Variants in LSP1 observed in about 807,000 individuals in gnomAD.
LSP1 encodes lymphocyte specific protein 1, also known as lymphocyte-specific protein 1.
In LSP1, 32 loss-of-function variants were observed where a neutral mutation model predicts 49.3. That is an observed-to-expected ratio of 0.65 (90% confidence interval 0.49 to 0.87). LSP1 has a LOEUF of 0.87. LSP1 is among the 40% of genes least tolerant of loss of function. The pLI is 0.00. For missense variants in LSP1, 428 were observed against 442.6 expected, an observed-to-expected ratio of 0.97 and a Z score of 0.30; for synonymous variants, 179 against 178.8, an observed-to-expected ratio of 1.00 and a Z score of -0.01.
chr11:1,879,260 G>A (rs1218831048), intron 1 of LSP1, among the ~76,000 whole-genome samples: 1 of 152,158 alleles, frequency 6.6e-6, no homozygotes, highest in Non-Finnish European at 1.5e-5. Context: ...CAGGAGAATC[G>A]CTTGAACCCA....
intron 1 of LSP1, among the ~76,000 whole-genome samples, chr11:1,856,326 G>T (rs1196483778): frequency 1.3e-5 from 2 of 152,216 alleles, no homozygotes; most frequent in African/African-American, 4.8e-5. Flanking sequence ...TGGCCTGGTT[G>T]AACTCACTTC....
chr11:1,865,069 C>A, intron 1 of LSP1: 1 of 340,624 alleles, frequency 2.9e-6, no homozygotes, highest in Non-Finnish European at 4.2e-6. Flanking sequence ...CCAAGGAGAG[C>A]TGGGCACAGG....
At chr11:1,869,565 G>A (rs1847906351) in intron 1 of LSP1, 1 of 458,208 alleles carries the variant, frequency 2.2e-6, no homozygotes. Flanking sequence ...GCCGACCCCA[G>A]GTGTGGGAGG....
rs553111951 is a variant in LSP1, at chr11:1,871,476, C to T, written c.54-8611C>T. 1.2e-5 allele frequency: 12 copies of T among 986,542 alleles called. No individual in the cohort carries two copies. The East Asian group carries it at 6.7e-4, about 55-fold the overall frequency. The allele number at this position is 986,542 out of a possible 1,614,324, so 61.1% of individuals were successfully genotyped here. A position where few individuals can be genotyped will look rare whatever the true frequency, so the allele number is the denominator to read the frequency against. Reference sequence around the variant, plus strand: ...GCAGGACATCAAGCCGGTTCTGGACCCTGCTCTGAGGACGGTCCCTGACCC... The same window carrying T: ...GCAGGACATCAAGCCGGTTCTGGACTCTGCTCTGAGGACGGTCCCTGACCC... On this transcript the variant is annotated intron_variant, in intron 1 of 10. Transcript: ENST00000311604.
At chr11:1,862,485 T>A (rs1847667677) in intron 1 of LSP1, among the ~76,000 whole-genome samples, 1 of 152,190 alleles carries the variant, frequency 6.6e-6, no homozygotes, top group African/African-American at 2.4e-5. Context: ...CATTCCTGGC[T>A]GTCTGTGGCT....
At chr11:1,890,652 G>C (rs2133146472) in intron 10 of LSP1, 1 of 660,190 alleles carries the variant, frequency 1.5e-6, no homozygotes, top group South Asian at 1.6e-5. Flanking sequence ...TGGGAGGCCT[G>C]TGTCTCCTGT....
chr11:1,889,933 T>TG, intron 10 of LSP1: 2 of 630,222 alleles, frequency 3.2e-6, no homozygotes, highest in Non-Finnish European at 2.9e-6. Flanking sequence ...GGCTGGGCCC[T>TG]GGGGGGACTT....
chr11:1,881,979 G>A (rs1196487268), intron 3 of LSP1, among the ~76,000 whole-genome samples: 4 of 152,204 alleles, frequency 2.6e-5, no homozygotes, highest in Non-Finnish European at 4.4e-5. Context: ...AGCTGCGGCC[G>A]CTTCCGTAAT....
chr11:1,875,108 G>A (rs180792422), intron 1 of LSP1, among the ~76,000 whole-genome samples: 5 of 151,450 alleles, frequency 3.3e-5, no homozygotes, highest in East Asian at 1.9e-4. Context: ...AAGCCCATGG[G>A]GGGCAGAGCC....
rs201258993 is a variant in LSP1 at position 1,883,916 on chromosome 11, GT to G, written c.499-5del. 178,388 of 1,300,742 alleles carry G rather than the reference GT, an allele frequency of 0.14. 7,372 individuals are homozygous for G. Among genetic ancestry groups the G allele is most frequent in the South Asian group, 0.29 (21,523 of 74,718 alleles). The allele number at this position is 1,300,742 out of a possible 1,614,324, so 80.6% of individuals were successfully genotyped here. On this transcript the variant is annotated splice_polypyrimidine_tract_variant and intron_variant, in intron 4 of 10. Coordinates refer to ENST00000311604, the MANE Select transcript of LSP1 (RefSeq NM_002339.3). ...AAGCAGGGGGTCACTTGGGATGTCT[GT>G]TTTTTTTTTTCTAGCACCAGAAATG...
rs1227502672 is a variant in LSP1, at chr11:1,883,511, C to A, written c.449C>A (p.Thr150Asn). 3 of 1,613,806 alleles carry A rather than the reference C, an allele frequency of 1.9e-6. No individual in the cohort carries two copies. Among genetic ancestry groups the A allele is most frequent in the African/African-American group, 1.3e-5 (1 of 74,944 alleles). ...LSKEGPGPEDTVQDNLGAAGA... is the reference protein window; with the variant it reads ...LSKEGPGPEDNVQDNLGAAGA... ...AAGGAGGGGCCAGGCCCAGAGGACACTGTCCAGGACAACCTGGGGGCCGCA... is the reference window on the plus strand; with the variant it reads ...AAGGAGGGGCCAGGCCCAGAGGACAATGTCCAGGACAACCTGGGGGCCGCA... Residue 150 changes from threonine (T) to asparagine (N), a missense_variant, in exon 4 of 11, where the codon ACT (threonine) becomes AAT (asparagine). Coordinates refer to ENST00000311604, the MANE Select transcript of LSP1 (RefSeq NM_002339.3).
intron 10 of LSP1, chr11:1,890,822 G>C: frequency 1.7e-6 from 1 of 572,312 alleles, no homozygotes; most frequent in Admixed American, 3.0e-5. Flanking sequence ...CAGAGGCCGA[G>C]TCCCTCCAGG....
chr11:1,859,913 A>C (rs1248748450), intron 1 of LSP1, among the ~76,000 whole-genome samples: 1 of 151,934 alleles, frequency 6.6e-6, no homozygotes, highest in Non-Finnish European at 1.5e-5. Context: ...CACCACCCTG[A>C]CCTCCCCTGT....
At chr11:1,866,689 C>G in intron 1 of LSP1, 7 of 1,550,580 alleles carry the variant, frequency 4.5e-6, no homozygotes, top group Non-Finnish European at 6.1e-6. Context: ...CCAGGGGACG[C>G]TGCTGTCCAC....
At chr11:1,876,948 G>GC (rs1384697735) in intron 1 of LSP1, among the ~76,000 whole-genome samples, 5 of 152,238 alleles carry the variant, frequency 3.3e-5, no homozygotes, top group South Asian at 4.1e-4. Context: ...GGTGGATGGA[G>GC]CCCCCCCACC....
At chr11:1,890,338 C>T (rs1031306081) in intron 10 of LSP1, 16 of 713,992 alleles carry the variant, frequency 2.2e-5, no homozygotes, top group Middle Eastern at 2.3e-4. Context: ...CCCTCAGCAG[C>T]GTGCGGGGCT....
In LSP1 at chr11:1,883,812, G is replaced by C. The variant is rs192227918; in HGVS notation, c.499-120G>C. On this transcript the variant is annotated intron_variant, in intron 4 of 10. Transcript: ENST00000311604. ...CCCACCAGCTCCAGAACTGGAGCAC[G>C]TCAGGGCCACAGAGAACCTGGGGCT... 2.2e-5 allele frequency: 23 copies of C among 1,034,822 alleles called. No homozygotes were observed. The East Asian group carries it at 5.5e-4, about 25-fold the overall frequency. 64.1% of individuals were successfully genotyped at this position (1,034,822 alleles called of 1,614,324 possible).
In LSP1 at chr11:1,884,351, G is replaced by C; in HGVS notation, c.635+28G>C. The C allele has an allele frequency of 6.2e-7, 1 of 1,613,876 alleles. No individual in the cohort carries two copies. Among genetic ancestry groups the C allele is most frequent in the Non-Finnish European group, 8.5e-7 (1 of 1,179,902 alleles). ...CTGTCTGTCTGTCTGTCTGCTTTCT[G>C]GGCTCAGATCTTAGGTTTAACCAAG... On this transcript the variant is annotated intron_variant, in intron 6 of 10. Transcript: ENST00000311604. The surrounding 1 kb of genome is among the most constrained non-coding windows in gnomAD (Gnocchi z 4.1).
rs1383708241 is a variant in LSP1 at position 1,870,349 on chromosome 11, CG to C, written c.54-9734del. The stretch of plus-strand genomic sequence containing the variant: ...GCCCGCAGCACCCGGGGACATACAC[CG>C]GGGAGTCTCCTGGGAAAGAAGTGCC... On this transcript the variant is annotated intron_variant, in intron 1 of 10. Transcript: ENST00000311604. 7.1e-6 allele frequency: 9 copies of C among 1,273,968 alleles called. No homozygotes were observed. The African/African-American group carries it at 1.4e-4, about 20-fold the overall frequency. 78.9% of individuals were successfully genotyped at this position (1,273,968 alleles called of 1,614,324 possible).
Sources: allele counts gnomAD v4.1 joint callset (sites outside exome capture counted in the v4.1 genomes callset), GRCh38; gene constraint gnomAD v4.1.1; non-coding constraint Gnocchi (gnomAD v3.1); transcripts MANE v1.5; gene names NCBI Gene and HGNC (gene_info 2026-07-23, HGNC 2026-07-21).